The following RAB4A variants were observed in gnomAD, a reference collection of about 807,000 sequenced individuals.
RAB4A encodes the protein RAB4A, member RAS oncogene family, also known as ras-related protein Rab-4A.
RAB4A carries 20 observed loss-of-function variants against 34.5 expected under a neutral mutation model. That is an observed-to-expected ratio of 0.58 (90% CI 0.41 to 0.84). The LOEUF is 0.84. Ranked by LOEUF, RAB4A falls within the 40% of genes least tolerant of loss-of-function variation. The pLI, the probability that RAB4A is intolerant of heterozygous loss-of-function variation, is 0.00. For missense variants in RAB4A, 228 were observed against 274.5 expected, an observed-to-expected ratio of 0.83 and a Z score of 1.20; for synonymous variants, 102 against 100.0, an observed-to-expected ratio of 1.02 and a Z score of -0.12.
intron 3 of RAB4A, among the ~76,000 whole-genome samples, chr1:229,294,306 A>G (rs764262308): frequency 1.2e-4 from 19 of 152,220 alleles, no homozygotes; most frequent in Non-Finnish European, 2.1e-4. Context: ...GGGAATCGCA[A>G]TCCCAGCAGG....
At chr1:229,303,238 C>T (rs1238613811) in intron 7 of RAB4A, among the ~76,000 whole-genome samples, 2 of 151,924 alleles carry the variant, frequency 1.3e-5, no homozygotes, top group Non-Finnish European at 2.9e-5. Flanking sequence ...TGGCGTGCAC[C>T]TGTAGTCCCA....
intron 1 of RAB4A, among the ~76,000 whole-genome samples, chr1:229,284,988 A>G (rs1202325548): frequency 6.6e-6 from 1 of 151,842 alleles, no homozygotes; most frequent in Non-Finnish European, 1.5e-5. Flanking sequence ...AGTTTTGTCC[A>G]TTTTACTCTT....
intron 1 of RAB4A, among the ~76,000 whole-genome samples, chr1:229,285,510 T>C (rs1656900553): frequency 6.6e-6 from 1 of 152,078 alleles, no homozygotes; most frequent in Admixed American, 6.6e-5. Flanking sequence ...GAGTGCTTGA[T>C]CTGATCTGGA....
chr1:229,278,085 G>A (rs769644616), intron 1 of RAB4A, among the ~76,000 whole-genome samples: 58 of 152,084 alleles, frequency 3.8e-4, no homozygotes, highest in Non-Finnish European at 7.2e-4. Flanking sequence ...GGCTGGTCTC[G>A]ATCTCCTAAC....
chr1:229,293,322 C>G (rs926661258), intron 3 of RAB4A, among the ~76,000 whole-genome samples: 1 of 152,188 alleles, frequency 6.6e-6, no homozygotes, highest in Non-Finnish European at 1.5e-5. Context: ...TCCAGCTCCT[C>G]TTTCCTCCCC....
intron 6 of RAB4A, among the ~76,000 whole-genome samples, chr1:229,299,720 G>T (rs1015873646): frequency 1.3e-5 from 2 of 152,308 alleles, no homozygotes; most frequent in South Asian, 2.1e-4. Context: ...CTATTTGTCA[G>T]ATGCTGGGAT....
chr1:229,285,666 G>A (rs1421375399), intron 1 of RAB4A, among the ~76,000 whole-genome samples: 1 of 152,182 alleles, frequency 6.6e-6, no homozygotes, highest in Non-Finnish European at 1.5e-5. Flanking sequence ...GGACTTAGCA[G>A]CTGAGTCAAA....
intron 3 of RAB4A, among the ~76,000 whole-genome samples, chr1:229,293,714 G>A (rs939833737): frequency 6.6e-6 from 1 of 152,136 alleles, no homozygotes; most frequent in East Asian, 1.9e-4. Flanking sequence ...CACCAAGTGG[G>A]ATGGTGCCAC....
chr1:229,302,288 TATATATATATATA>T lies in RAB4A; in HGVS notation c.542-573_542-561del, dbSNP rs1657417032. On this transcript the variant is annotated intron_variant, in intron 6 of 7. Transcript: ENST00000366690. ...ATATATATATATATATATATATATA[TATATATATATATA>T]TATATATATTTTTTTTTTTTTTTTA... Among the ~76,000 whole-genome samples, 40 of 24,116 alleles carry T rather than the reference TATATATATATATA, an allele frequency of 1.7e-3. 2 individuals carry two copies. The highest frequency in any genetic ancestry group is 6.5e-3 in the African/African-American group (38 of 5,870). The allele number at this position is 24,116 out of a possible 152,430, so 15.8% of individuals were successfully genotyped here. A position where few individuals can be genotyped will look rare whatever the true frequency, so the allele number is the denominator to read the frequency against.
At chr1:229,299,339 T>C (rs1280969797) in intron 6 of RAB4A, among the ~76,000 whole-genome samples, 1 of 152,150 alleles carries the variant, frequency 6.6e-6, no homozygotes, top group Non-Finnish European at 1.5e-5. Context: ...CAGGGAGTGT[T>C]TGCATTTAGA....
At chr1:229,282,861 C>T (rs1019051826) in intron 1 of RAB4A, among the ~76,000 whole-genome samples, 21 of 152,176 alleles carry the variant, frequency 1.4e-4, no homozygotes, top group Middle Eastern at 6.3e-3. Flanking sequence ...TTCAAGCATG[C>T]TTGTGTTACT....
intron 3 of RAB4A, among the ~76,000 whole-genome samples, chr1:229,293,367 C>T (rs992270209): frequency 6.6e-6 from 1 of 152,200 alleles, no homozygotes; most frequent in African/African-American, 2.4e-5. Flanking sequence ...TTCCAGCACT[C>T]TCCTCACTCG....
chr1:229,277,809 C>T (rs543570643), intron 1 of RAB4A, among the ~76,000 whole-genome samples: 42 of 151,470 alleles, frequency 2.8e-4, no homozygotes, highest in Non-Finnish European at 4.7e-4. Context: ...ATTCTGACCA[C>T]TCCAACTCCA....
chr1:229,271,845 A>C (rs922335724), intron 1 of RAB4A, among the ~76,000 whole-genome samples: 2 of 152,308 alleles, frequency 1.3e-5, no homozygotes, highest in African/African-American at 4.8e-5. Flanking sequence ...GATTACAGTG[A>C]GGAGTTATTA....
rs1021829213 is a variant in RAB4A at position 229,304,650 on chromosome 1, T to G, written c.*857T>G. The stretch of plus-strand genomic sequence containing the variant: ...CTGGTCTCCCTGCTAGAAAACACAT[T>G]GTACTGTGCTTTTTCTGGAATTCAG... On this transcript the variant is annotated 3_prime_UTR_variant, in exon 8 of 8. Coordinates refer to ENST00000366690, the MANE Select transcript of RAB4A (RefSeq NM_004578.4). The G allele has an allele frequency of 1.3e-5, 2 of 152,296 alleles. No homozygotes were observed. The highest frequency in any genetic ancestry group is 4.8e-5 in the African/African-American group (2 of 41,472). The allele number at this position is 152,296 out of a possible 1,614,324, so 9.4% of individuals were successfully genotyped here.
chr1:229,294,373 T>G (rs1367773635), intron 3 of RAB4A, among the ~76,000 whole-genome samples: 1 of 152,192 alleles, frequency 6.6e-6, no homozygotes, highest in Non-Finnish European at 1.5e-5. Context: ...GGAGGAAGAC[T>G]AGCAGAGTGC....
intron 6 of RAB4A, among the ~76,000 whole-genome samples, chr1:229,299,381 G>T (rs547163775): frequency 1.3e-5 from 2 of 152,170 alleles, no homozygotes; most frequent in South Asian, 2.1e-4. Context: ...TTCACTAAAC[G>T]GAGGAAGAAT....
chr1:229,277,043 A>T lies in RAB4A; in HGVS notation c.31+5673A>T, dbSNP rs1306551264. 4.1e-5 allele frequency among the ~76,000 whole-genome samples: 6 copies of T among 146,666 alleles called. No homozygotes were observed. In the East Asian group the frequency reaches 9.7e-4, roughly 24 times the overall value. ...TTTATATATAAATTATTTACAATTT[A>T]TATATAATTATTTATAATTTATATA... On this transcript the variant is annotated intron_variant, in intron 1 of 7. Transcript: ENST00000366690.
intron 6 of RAB4A, among the ~76,000 whole-genome samples, chr1:229,300,557 G>A (rs1657356238): frequency 6.6e-6 from 1 of 152,196 alleles, no homozygotes; most frequent in South Asian, 2.1e-4. Flanking sequence ...GGAAGGGCCA[G>A]CAGGGGAGGA....
Sources: allele counts gnomAD v4.1 joint callset (sites outside exome capture counted in the v4.1 genomes callset), GRCh38; gene constraint gnomAD v4.1.1; transcripts MANE v1.5; gene names NCBI Gene and HGNC (gene_info 2026-07-23, HGNC 2026-07-21).